The following RAPGEF4 variants were observed in gnomAD, a reference collection of about 807,000 sequenced individuals.
RAPGEF4 encodes the protein RAP guanine-nucleotide-exchange factor (GEF) 4.
RAPGEF4 carries 66 observed loss-of-function variants against 147.9 expected under a neutral mutation model. That is an observed-to-expected ratio of 0.45 (90% CI 0.37 to 0.55). RAPGEF4 has a LOEUF of 0.55. RAPGEF4 is among the 20% of genes least tolerant of loss of function. The probability of loss-of-function intolerance (pLI) is 0.00; values close to 1 mark genes in which losing one functional copy is unlikely to be tolerated. For synonymous variants in RAPGEF4, 419 were observed against 442.7 expected (o/e 0.95, Z 0.67); for missense variants, 1,071 against 1,257.3 (o/e 0.85, Z 2.24).
At chr2:172,770,237 T>A (rs1697226875) in intron 1 of RAPGEF4, among the ~76,000 whole-genome samples, 1 of 152,190 alleles carries the variant, frequency 6.6e-6, no homozygotes, top group Admixed American at 6.5e-5. Flanking sequence ...TGGACCCCGA[T>A]TATCTGCCTG....
chr2:172,736,326 C>T, intron 1 of RAPGEF4: 1 of 273,342 alleles, frequency 3.7e-6, no homozygotes, highest in Non-Finnish European at 6.8e-6. Context: ...TGCCCTGCCG[C>T]GACTCCAGGC....
intron 4 of RAPGEF4, among the ~76,000 whole-genome samples, chr2:172,890,119 G>A (rs982647299): frequency 1.3e-5 from 2 of 152,232 alleles, no homozygotes; most frequent in African/African-American, 4.8e-5. Flanking sequence ...AATGTGAACC[G>A]AAAATAATTT....
At chr2:172,782,316 T>A (rs1286280886) in intron 1 of RAPGEF4, among the ~76,000 whole-genome samples, 1 of 152,184 alleles carries the variant, frequency 6.6e-6, no homozygotes, top group Non-Finnish European at 1.5e-5. Flanking sequence ...CTGGGAGGGA[T>A]AAAAGGCAGA....
At chr2:172,799,805 A>G (rs975249055) in intron 3 of RAPGEF4, among the ~76,000 whole-genome samples, 4 of 152,198 alleles carry the variant, frequency 2.6e-5, no homozygotes, top group African/African-American at 7.2e-5. Context: ...TCAGAAAAGG[A>G]AGAGCAGATG....
chr2:172,774,758 T>A (rs1683990359), intron 1 of RAPGEF4, among the ~76,000 whole-genome samples: 1 of 152,196 alleles, frequency 6.6e-6, no homozygotes, highest in Non-Finnish European at 1.5e-5. Context: ...ATGTCTTAGA[T>A]CCCCTAATAG....
chr2:173,000,783 C>T (rs1285762031), intron 16 of RAPGEF4, among the ~76,000 whole-genome samples: 1 of 147,598 alleles, frequency 6.8e-6, no homozygotes, highest in African/African-American at 2.5e-5. Context: ...TCTTTCTCCC[C>T]TCACCAATTC....
intron 1 of RAPGEF4, among the ~76,000 whole-genome samples, chr2:172,754,168 G>T (rs1391034316): frequency 6.6e-6 from 1 of 151,826 alleles, no homozygotes; most frequent in Non-Finnish European, 1.5e-5. Context: ...TTTTTGTGTG[G>T]GTGTTTTTTA....
chr2:172,919,428 G>C (rs1026021910), intron 5 of RAPGEF4, among the ~76,000 whole-genome samples: 1 of 151,986 alleles, frequency 6.6e-6, no homozygotes, highest in Non-Finnish European at 1.5e-5. Context: ...CGTTGCCCAC[G>C]TCCAGACTCC....
At chr2:172,765,528 T>A (rs927394246) in intron 1 of RAPGEF4, among the ~76,000 whole-genome samples, 2 of 152,204 alleles carry the variant, frequency 1.3e-5, no homozygotes, top group Non-Finnish European at 2.9e-5. Context: ...TGTCTTGCCA[T>A]CTCTCACACA....
At chr2:173,023,325 A>G (rs191022418) in intron 23 of RAPGEF4, among the ~76,000 whole-genome samples, 1 of 152,212 alleles carries the variant, frequency 6.6e-6, no homozygotes, top group Non-Finnish European at 1.5e-5. Context: ...GAGAAAATGC[A>G]TGGGAGTTCT....
chr2:172,969,519 G>A (rs965470200), intron 10 of RAPGEF4, among the ~76,000 whole-genome samples: 2 of 152,228 alleles, frequency 1.3e-5, no homozygotes, highest in African/African-American at 4.8e-5. Context: ...TTTGCTGAGT[G>A]AGTGAATGAA....
In RAPGEF4 at chr2:173,044,065, C is replaced by T. The variant is rs990855448; in HGVS notation, c.2854-4535C>T. On this transcript the variant is annotated intron_variant, in intron 29 of 30. Coordinates refer to ENST00000397081, the MANE Select transcript of RAPGEF4 (RefSeq NM_007023.4). Reference sequence around the variant, plus strand: ...ACAGGAAAACAAGTGCTCTGTAGACCGAGCAGCGCTGTCTTATAGGCAGGG... The same window carrying T: ...ACAGGAAAACAAGTGCTCTGTAGACTGAGCAGCGCTGTCTTATAGGCAGGG... Among the ~76,000 whole-genome samples, 8 of 152,116 alleles carry T rather than the reference C, an allele frequency of 5.3e-5. No individual in the cohort carries two copies. The East Asian group carries it at 1.2e-3, about 22-fold the overall frequency.
At chr2:172,864,410 G>T (rs187633578) in intron 4 of RAPGEF4, among the ~76,000 whole-genome samples, 1 of 152,202 alleles carries the variant, frequency 6.6e-6, no homozygotes, top group Admixed American at 6.5e-5. Flanking sequence ...CCACCAGGGG[G>T]TGCTTCAGCC....
intron 4 of RAPGEF4, among the ~76,000 whole-genome samples, chr2:172,822,203 G>A (rs540251840): frequency 1.3e-5 from 2 of 152,270 alleles, no homozygotes; most frequent in Admixed American, 1.3e-4. Context: ...TGCTAGTGAA[G>A]CATGTTTATT....
chr2:173,028,090 A>C (rs1696835040), intron 25 of RAPGEF4, among the ~76,000 whole-genome samples: 1 of 152,224 alleles, frequency 6.6e-6, no homozygotes, highest in African/African-American at 2.4e-5. Context: ...CTAAACAAAG[A>C]AGTAAAGGCT....
intron 13 of RAPGEF4, among the ~76,000 whole-genome samples, chr2:172,988,489 T>C (rs1222876066): frequency 6.6e-6 from 1 of 152,232 alleles, no homozygotes; most frequent in Admixed American, 6.5e-5. Context: ...TTATAGTGTG[T>C]ACATTTAAGT....
intron 10 of RAPGEF4, among the ~76,000 whole-genome samples, chr2:172,970,729 A>G (rs1690385394): frequency 6.6e-6 from 1 of 152,248 alleles, no homozygotes; most frequent in Non-Finnish European, 1.5e-5. Context: ...AAACTATGAA[A>G]GAATGTTCTG....
At chr2:172,901,072 A>G (rs1215904674) in intron 4 of RAPGEF4, among the ~76,000 whole-genome samples, 2 of 152,220 alleles carry the variant, frequency 1.3e-5, no homozygotes, top group African/African-American at 4.8e-5. Flanking sequence ...CAGAGAGATC[A>G]AAGGAATTTT....
intron 16 of RAPGEF4, among the ~76,000 whole-genome samples, chr2:172,999,872 G>C (rs1250573567): frequency 6.6e-6 from 1 of 152,196 alleles, no homozygotes; most frequent in Admixed American, 6.5e-5. Context: ...TGAGGAGAGA[G>C]CCGGAAAGCC....
Sources: allele counts gnomAD v4.1 joint callset (sites outside exome capture counted in the v4.1 genomes callset), GRCh38; gene constraint gnomAD v4.1.1; transcripts MANE v1.5; gene names NCBI Gene and HGNC (gene_info 2026-07-23, HGNC 2026-07-21).